ARMH1: variants seen among roughly 807,000 people sequenced by gnomAD.
ARMH1 encodes the protein armadillo-like helical domain containing protein 1.
Under a neutral mutation model 50.2 loss-of-function variants are expected in ARMH1, and 34 were observed. The observed-to-expected ratio is 0.68, with a 90% CI of 0.51 to 0.90. The LOEUF (loss-of-function observed/expected upper bound fraction) is 0.90, where lower values mean the gene tolerates loss of function less well. Ranked by LOEUF, ARMH1 falls within the 40% of genes least tolerant of loss-of-function variation. The pLI is 0.00. For missense variants in ARMH1, 538 were observed against 553.9 expected (o/e 0.97, Z 0.29); for synonymous variants, 221 against 224.2 (o/e 0.99, Z 0.13).
At chr1:44,718,709 A>G (rs1283446026) in intron 6 of ARMH1, among the ~76,000 whole-genome samples, 1 of 152,206 alleles carries the variant, frequency 6.6e-6, no homozygotes. Flanking sequence ...GCAGCCCAGC[A>G]GCAGTGGCTG....
chr1:44,715,559 A>G (rs1344520669), intron 6 of ARMH1, among the ~76,000 whole-genome samples: 1 of 151,954 alleles, frequency 6.6e-6, no homozygotes, highest in African/African-American at 2.4e-5. Flanking sequence ...AGGACCTCAC[A>G]TCTGTTTTTT....
Position 44,674,798 on chromosome 1 carries a change from GAA to G in ARMH1, c.-97_-96del, listed in dbSNP as rs1645076143. On this transcript the variant is annotated 5_prime_UTR_variant, in exon 1 of 12. The change abolishes the stop of an existing upstream ORF in the 5' untranslated region. Transcript: ENST00000535358. ...GAACAGAGTCCTATCCTACGCGGCG[GAA>G]GAGTGTGCCCTTTGACTTGCATCGT... 5.6e-6 allele frequency: 1 copy of G among 178,110 alleles called. No individual in the cohort carries two copies. The highest frequency in any genetic ancestry group is 2.4e-5 in the African/African-American group (1 of 42,460). The allele number at this position is 178,110 out of a possible 1,614,324, so 11.0% of individuals were successfully genotyped here.
At chr1:44,703,360 C>G (rs900217576) in intron 5 of ARMH1, among the ~76,000 whole-genome samples, 2 of 152,080 alleles carry the variant, frequency 1.3e-5, no homozygotes, top group African/African-American at 2.4e-5. Flanking sequence ...CTCCCTCTCC[C>G]CATTCACCCA....
At chr1:44,690,285 G>C (rs938780026) in intron 2 of ARMH1, among the ~76,000 whole-genome samples, 1 of 151,866 alleles carries the variant, frequency 6.6e-6, no homozygotes, top group African/African-American at 2.4e-5. Flanking sequence ...TGTCAAAGGG[G>C]TTTTCTCTTG....
Position 44,689,757 on chromosome 1 carries a change from G to C in ARMH1, c.60G>C (p.Trp20Cys). ...ISRLLSFLQE[W>C]DNAGKVARSH... ...GGCTCTTAAGTTTTTTACAGGAGTG[G>C]GACAACGCTGGCAAAGTCGCAAGGA... Residue 20 changes from tryptophan to cysteine, a missense_variant, in exon 2 of 12, where the codon TGG becomes TGC. By Grantham distance (215) the Trp-to-Cys change is radical. Transcript: ENST00000535358. The C allele has an allele frequency of 6.4e-7, 1 of 1,551,946 alleles. No individual in the cohort carries two copies. Among genetic ancestry groups the C allele is most frequent in the Middle Eastern group, 1.7e-4 (1 of 5,996 alleles).
chr1:44,719,327 G>A (rs1646987476), intron 6 of ARMH1, among the ~76,000 whole-genome samples: 1 of 152,192 alleles, frequency 6.6e-6, no homozygotes, highest in African/African-American at 2.4e-5. Context: ...GAGGAGAGCA[G>A]GATCTGGCAC....
rs35822364 is a variant in ARMH1 at position 44,719,025 on chromosome 1, GAA to G, written c.725-5076_725-5075del. On this transcript the variant is annotated intron_variant, in intron 6 of 11. Coordinates refer to ENST00000535358, the MANE Select transcript of ARMH1 (RefSeq NM_001145636.2). ...GGGCAACAAGAGTGAAACTGTCTCG[GAA>G]AAAAAAAAAAAAAAAAAAAAGGCAT... is the stretch of plus-strand genomic sequence containing the variant. 8.9e-4 allele frequency among the ~76,000 whole-genome samples: 70 copies of G among 78,624 alleles called. 2 individuals carry two copies. Among genetic ancestry groups the G allele is most frequent in the African/African-American group, 3.4e-3 (68 of 20,054 alleles). The allele number at this position is 78,624 out of a possible 152,430, so 51.6% of individuals were successfully genotyped here. A position where few individuals can be genotyped will look rare whatever the true frequency, so the allele number is the denominator to read the frequency against.
chr1:44,706,031 G>T (rs1255777740), intron 6 of ARMH1, among the ~76,000 whole-genome samples: 1 of 152,176 alleles, frequency 6.6e-6, no homozygotes, highest in Non-Finnish European at 1.5e-5. Flanking sequence ...GGTAGGCTAG[G>T]AGCAATGGAG....
chr1:44,683,568 A>G lies in ARMH1; in HGVS notation c.-22-6108A>G, dbSNP rs1290593740. Among the ~76,000 whole-genome samples the G allele has an allele frequency of 1.3e-5, 2 of 152,262 alleles. No individual in the cohort carries two copies. The highest frequency in any genetic ancestry group is 2.9e-5 in the Non-Finnish European group (2 of 68,038). ...GGATTCTGGGGTTAGGAAAAGAGTC[A>G]TTCACAATCCATCAGAGAGACCAAG... On this transcript the variant is annotated intron_variant, in intron 1 of 11. Coordinates refer to ENST00000535358, the MANE Select transcript of ARMH1 (RefSeq NM_001145636.2). The surrounding 1 kb of genome is among the most constrained non-coding windows in gnomAD (Gnocchi z 4.2).
intron 3 of ARMH1, 113 bp from the exon 4 acceptor site, chr1:44,697,950 T>A (rs1645883444): frequency 1.3e-6 from 1 of 742,574 alleles, no homozygotes; most frequent in Non-Finnish European, 2.1e-6. Flanking sequence ...TATGGACATT[T>A]CCTGGATAGG....
At chr1:44,714,251 C>CA (rs1305473972) in intron 6 of ARMH1, among the ~76,000 whole-genome samples, 9 of 143,432 alleles carry the variant, frequency 6.3e-5, no homozygotes, top group African/African-American at 2.4e-4. Context: ...GCCTGGGTGA[C>CA]AGAGCGAGAC....
chr1:44,724,947 C>T lies in ARMH1; in HGVS notation c.1128+108C>T. 1 of 1,499,042 alleles carries T rather than the reference C, an allele frequency of 6.7e-7. No homozygotes were observed. The allele number at this position is 1,499,042 out of a possible 1,614,324, so 92.9% of individuals were successfully genotyped here. On this transcript the variant is annotated intron_variant, in intron 10 of 11. Transcript: ENST00000535358. The surrounding 1 kb of genome is among the most constrained non-coding windows in gnomAD (Gnocchi z 6.4). ...GGAGCGCGCCACATGCAGAGTGGACCTGGCCACCAGCTGCAGGAGGGACTG... is the reference window on the plus strand; with the variant it reads ...GGAGCGCGCCACATGCAGAGTGGACTTGGCCACCAGCTGCAGGAGGGACTG...
chr1:44,713,268 T>C (rs1646700164), intron 6 of ARMH1, among the ~76,000 whole-genome samples: 1 of 151,922 alleles, frequency 6.6e-6, no homozygotes, highest in Non-Finnish European at 1.5e-5. Context: ...CTGGCTAATT[T>C]TCATATTTTT....
At chr1:44,687,245 G>A (rs1279067126) in intron 1 of ARMH1, among the ~76,000 whole-genome samples, 1 of 152,130 alleles carries the variant, frequency 6.6e-6, no homozygotes, top group African/African-American at 2.4e-5. Context: ...TTCTCTCTGT[G>A]TATGTCTGTA....
At chr1:44,720,778 G>A (rs954139036) in intron 6 of ARMH1, among the ~76,000 whole-genome samples, 5 of 152,154 alleles carry the variant, frequency 3.3e-5, no homozygotes, top group African/African-American at 4.8e-5. Context: ...GCTCACACCT[G>A]TAATCCCAGC....
intron 6 of ARMH1, among the ~76,000 whole-genome samples, chr1:44,713,098 T>C (rs1000468939): frequency 9.4e-5 from 11 of 116,958 alleles, no homozygotes; most frequent in African/African-American, 3.5e-4. Flanking sequence ...GCGCCCGGCC[T>C]TTTTTTTTTT....
At position 44,677,623 on chromosome 1, in the gene ARMH1, C is replaced by T. The variant is rs532284025; in HGVS notation, c.-23+2750C>T. On this transcript the variant is annotated intron_variant, in intron 1 of 11. Coordinates refer to ENST00000535358, the MANE Select transcript of ARMH1 (RefSeq NM_001145636.2). ...GTGATGACAAGGTCCACTGTGTGGC[C>T]GTGGGAGTCAGTGACCAAAGTGGAG... is the stretch of plus-strand genomic sequence containing the variant. Among the ~76,000 whole-genome samples the T allele has an allele frequency of 4.6e-5, 7 of 152,152 alleles. No individual in the cohort carries two copies. The South Asian group carries it at 6.2e-4, about 14-fold the overall frequency.
chr1:44,721,694 G>C (rs149147636), intron 6 of ARMH1: 3 of 152,004 alleles, frequency 2.0e-5, no homozygotes, highest in Non-Finnish European at 4.4e-5. Flanking sequence ...ACACCACTCC[G>C]CTACAACCTG....
rs778512912 is a variant in ARMH1 at position 44,683,393 on chromosome 1, G to A, written c.-22-6283G>A. Among the ~76,000 whole-genome samples, 8 of 152,190 alleles carry A rather than the reference G, an allele frequency of 5.3e-5. No individual in the cohort carries two copies. In the South Asian group the frequency reaches 6.2e-4, roughly 12 times the overall value. Reference sequence around the variant, plus strand: ...GAGGAGACGGATTTGAGAGTCGTGCGCCTATAAATGTAATTTGAAGTGATG... The same window carrying A: ...GAGGAGACGGATTTGAGAGTCGTGCACCTATAAATGTAATTTGAAGTGATG... On this transcript the variant is annotated intron_variant, in intron 1 of 11. Transcript: ENST00000535358. This position sits in a 1 kb window ranked among gnomAD's most constrained non-coding sequence, Gnocchi z 4.2.
Sources: allele counts gnomAD v4.1 joint callset (sites outside exome capture counted in the v4.1 genomes callset), GRCh38; gene constraint gnomAD v4.1.1; non-coding constraint Gnocchi (gnomAD v3.1); transcripts MANE v1.5; gene names NCBI Gene and HGNC (gene_info 2026-07-23, HGNC 2026-07-21).